TMIGD1: variants seen among roughly 807,000 people sequenced by gnomAD.
TMIGD1 encodes transmembrane and immunoglobulin domain containing 1.
A neutral mutation model predicts 27.5 loss-of-function variants in TMIGD1; 29 were observed. That is an observed-to-expected ratio of 1.05 (90% confidence interval 0.78 to 1.44). The LOEUF is 1.44. Ranked by LOEUF, TMIGD1 falls within the 40% of genes most tolerant of loss-of-function variation. The pLI is 0.00. For missense variants in TMIGD1, 334 were observed against 310.6 expected (o/e 1.08, Z -0.57); for synonymous variants, 109 against 110.3 (o/e 0.99, Z 0.07).
rs1909657339 is a variant in TMIGD1 at position 30,322,668 on chromosome 17, T to A, written c.640+2148A>T. On this transcript the variant is annotated intron_variant, in intron 4 of 6. Coordinates refer to ENST00000328886, the MANE Select transcript of TMIGD1 (RefSeq NM_206832.3). ...GTGGCTACCATCATGCCCGGCTAAT[T>A]TTTTTTGTATTTTTAGTAGAGACGG... Among the ~76,000 whole-genome samples the A allele has an allele frequency of 2.0e-5, 3 of 151,884 alleles. No individual in the cohort carries two copies. In the South Asian group the frequency reaches 6.2e-4, roughly 32 times the overall value.
intron 4 of TMIGD1, among the ~76,000 whole-genome samples, chr17:30,320,041 ATT>A (rs113138908): frequency 6.9e-6 from 1 of 144,802 alleles, no homozygotes; most frequent in African/African-American, 2.5e-5. Context: ...ACTGAGAGCT[ATT>A]TTTTTTTTTT....
Position 30,329,310 on chromosome 17 carries a change from A to C in TMIGD1, c.302T>G (p.Phe101Cys). 3 of 1,614,018 alleles carry C rather than the reference A, an allele frequency of 1.9e-6. No individual in the cohort carries two copies. Among genetic ancestry groups the C allele is most frequent in the Non-Finnish European group, 2.5e-6 (3 of 1,179,988 alleles). ...CTGATCCCTCCCCAGCCTGCAGGTA[A>C]AGCTGATTCCGTTGTCATTTTCACT... ...SISENDNGIS[F>C]TCRLGRDQSV... Residue 101 changes from phenylalanine to cysteine, a missense_variant, in exon 3 of 7, where the codon TTT becomes TGT. Physicochemically the swap from Phe to Cys is radical, Grantham distance 205. Transcript: ENST00000328886.
intron 2 of TMIGD1, among the ~76,000 whole-genome samples, chr17:30,331,435 G>A (rs1327128934): frequency 6.6e-6 from 1 of 151,984 alleles, no homozygotes; most frequent in Non-Finnish European, 1.5e-5. Context: ...GAAATGGTAT[G>A]TTCAGATAAA....
intron 1 of TMIGD1, 75 bp from the exon 2 acceptor site, chr17:30,332,233 T>C (rs1910005451): frequency 3.6e-6 from 3 of 822,200 alleles, no homozygotes; most frequent in Non-Finnish European, 3.9e-6. Context: ...CTGTCTATTA[T>C]GCATTTAAAG....
Position 30,328,987 on chromosome 17 carries a change from GAAAGAAAAAAGAA to G in TMIGD1, c.361+251_361+263del, listed in dbSNP as rs1332715921. On this transcript the variant is annotated intron_variant, in intron 3 of 6. Transcript: ENST00000328886. ...CTGTCTCAAAAAAAAAAAAAAGAAA[GAAAGAAAAAAGAA>G]AAAGAAAAAAGAAAAGAAAAGAGAA... Among the ~76,000 whole-genome samples, 19 of 123,038 alleles carry G rather than the reference GAAAGAAAAAAGAA, an allele frequency of 1.5e-4. No individual in the cohort carries two copies. In the East Asian group the frequency reaches 3.4e-3, roughly 22 times the overall value. 80.7% of individuals were successfully genotyped at this position (123,038 alleles called of 152,430 possible).
At chr17:30,321,551 C>T (rs946515494) in intron 4 of TMIGD1, among the ~76,000 whole-genome samples, 1 of 152,150 alleles carries the variant, frequency 6.6e-6, no homozygotes, top group South Asian at 2.1e-4. Context: ...CTGTGTTCAG[C>T]ACTGCAAAAA....
At chr17:30,326,873 A>G (rs763302150) in intron 3 of TMIGD1, among the ~76,000 whole-genome samples, 13 of 152,132 alleles carry the variant, frequency 8.5e-5, no homozygotes, top group Non-Finnish European at 1.6e-4. Flanking sequence ...TCTCCCCCAA[A>G]CAGTGTATTA....
chr17:30,329,835 T>A (rs1366104952), intron 2 of TMIGD1, among the ~76,000 whole-genome samples: 2 of 151,394 alleles, frequency 1.3e-5, no homozygotes, highest in African/African-American at 4.9e-5. Context: ...CTTTGGGAGG[T>A]AGAGGCGGGA....
At chr17:30,328,263 T>G (rs1028883348) in intron 3 of TMIGD1, among the ~76,000 whole-genome samples, 4 of 152,162 alleles carry the variant, frequency 2.6e-5, no homozygotes, top group African/African-American at 9.7e-5. Flanking sequence ...CTCGAACTCC[T>G]GATCTTAAGT....
chr17:30,324,930 C>T lies in TMIGD1; in HGVS notation c.526G>A (p.Glu176Lys). 1 of 1,614,194 alleles carries T rather than the reference C, an allele frequency of 6.2e-7. No homozygotes were observed. Among genetic ancestry groups the T allele is most frequent in the Non-Finnish European group, 8.5e-7 (1 of 1,180,018 alleles). The change falls in exon 4 of 7, where the codon GAG (glutamate) becomes AAG (lysine). Residue 176 changes from glutamate to lysine, a missense_variant. Physicochemically the swap from Glu to Lys is moderately conservative, Grantham distance 56. Transcript: ENST00000328886. ...KSRHQIQQTS[E>K]SFQLSITKVE... ...TTGGTGATTGACAGCTGAAAAGACT[C>T]ACTTGTCTGTTGGATTTGGTGACGG...
At chr17:30,329,128 T>C in intron 3 of TMIGD1, 123 bp downstream of exon 3, 1 of 1,172,090 alleles carries the variant, frequency 8.5e-7, no homozygotes. Context: ...ATAGGTACTC[T>C]CATACTTTGT....
intron 4 of TMIGD1, among the ~76,000 whole-genome samples, chr17:30,321,293 G>A (rs1362473638): frequency 6.6e-6 from 1 of 152,012 alleles, no homozygotes; most frequent in African/African-American, 2.4e-5. Flanking sequence ...ACTGCACCTG[G>A]CAGGACCCCG....
At chr17:30,324,584 C>A (rs1054562806) in intron 4 of TMIGD1, among the ~76,000 whole-genome samples, 2 of 152,138 alleles carry the variant, frequency 1.3e-5, no homozygotes, top group African/African-American at 4.8e-5. Context: ...ATATTTGGTT[C>A]TAAGAAAGGA....
chr17:30,319,255 A>AG (rs1909528542), intron 4 of TMIGD1, among the ~76,000 whole-genome samples: 6 of 55,820 alleles, frequency 1.1e-4, no homozygotes, highest in African/African-American at 1.0e-3. Flanking sequence ...AAAAGAAAAA[A>AG]AAAAAAATAT....
At chr17:30,322,070 C>G (rs1448126309) in intron 4 of TMIGD1, among the ~76,000 whole-genome samples, 1 of 152,170 alleles carries the variant, frequency 6.6e-6, no homozygotes, top group Non-Finnish European at 1.5e-5. Flanking sequence ...CTCAAGCAAC[C>G]CTCCCGCTCG....
chr17:30,324,800 T>G lies in TMIGD1; in HGVS notation c.640+16A>C, dbSNP rs778577580. The G allele has an allele frequency of 3.7e-6, 6 of 1,612,344 alleles. No homozygotes were observed. The highest frequency in any genetic ancestry group is 5.1e-6 in the Non-Finnish European group (6 of 1,178,562). Reference sequence around the variant, plus strand: ...AGTTTTGCACTGTGCTGGGTATTACTTAAAAAGAGCATTACCTTTAACAAT... The same window carrying G: ...AGTTTTGCACTGTGCTGGGTATTACGTAAAAAGAGCATTACCTTTAACAAT... On this transcript the variant is annotated intron_variant, in intron 4 of 6. Coordinates refer to ENST00000328886, the MANE Select transcript of TMIGD1 (RefSeq NM_206832.3).
intron 4 of TMIGD1, among the ~76,000 whole-genome samples, chr17:30,320,681 A>G (rs1909589118): frequency 6.6e-6 from 1 of 152,184 alleles, no homozygotes; most frequent in Admixed American, 6.5e-5. Flanking sequence ...TTGATATGAT[A>G]TGGAATGAAA....
chr17:30,319,793 G>A (rs1335281679), intron 4 of TMIGD1, among the ~76,000 whole-genome samples: 1 of 151,950 alleles, frequency 6.6e-6, no homozygotes, highest in African/African-American at 2.4e-5. Flanking sequence ...TACCTGTACT[G>A]CAATGGTGCC....
chr17:30,321,852 A>G (rs1226436041), intron 4 of TMIGD1, among the ~76,000 whole-genome samples: 3 of 152,306 alleles, frequency 2.0e-5, no homozygotes, highest in African/African-American at 7.2e-5. Context: ...TTTTGGAGAC[A>G]GGGTCTCACT....
Sources: allele counts gnomAD v4.1 joint callset (sites outside exome capture counted in the v4.1 genomes callset), GRCh38; gene constraint gnomAD v4.1.1; transcripts MANE v1.5; gene names NCBI Gene and HGNC (gene_info 2026-07-23, HGNC 2026-07-21).